Variants in COQ8B observed in about 807,000 individuals in gnomAD.
COQ8B encodes the protein coenzyme Q8B, also known as atypical kinase COQ8B, mitochondrial.
In COQ8B, 44 loss-of-function variants were observed where a neutral mutation model predicts 62.0. That is an observed-to-expected ratio of 0.71 (90% confidence interval 0.56 to 0.91). The LOEUF is 0.91. COQ8B is among the 40% of genes least tolerant of loss of function. The probability of loss-of-function intolerance (pLI) is 0.00; values close to 1 mark genes in which losing one functional copy is unlikely to be tolerated. For missense variants in COQ8B, 649 were observed against 731.6 expected (o/e 0.89, Z 1.30); for synonymous variants, 252 against 289.9 (o/e 0.87, Z 1.33).
chr19:40,703,538 C>T lies in COQ8B; in HGVS notation c.799+3G>A, dbSNP rs763317412. ...TCAGCAGAGGAGTGGGTGGGCGCCT[C>T]ACCCGCGGGCAGGGCCGCGCTCATC... On this transcript the variant is annotated splice_donor_region_variant and intron_variant, in intron 9 of 14. Coordinates refer to ENST00000324464, the MANE Select transcript of COQ8B (RefSeq NM_024876.4). The T allele has an allele frequency of 3.1e-6, 5 of 1,596,440 alleles. No homozygotes were observed. The highest frequency in any genetic ancestry group is 4.3e-6 in the Non-Finnish European group (5 of 1,169,720).
chr19:40,711,131 CAAA>C (rs10586544), intron 4 of COQ8B, among the ~76,000 whole-genome samples: 125 of 134,340 alleles, frequency 9.3e-4, no homozygotes, highest in Admixed American at 1.3e-3. Flanking sequence ...AACTCCGTCT[CAAA>C]AAAAAAAAAA....
intron 13 of COQ8B, among the ~76,000 whole-genome samples, chr19:40,695,279 C>T (rs1034322888): frequency 3.4e-5 from 5 of 145,720 alleles, no homozygotes; most frequent in South Asian, 2.1e-4. Flanking sequence ...GATCGAGCCA[C>T]TGCACTCCAG....
At position 40,716,198 on chromosome 19, in the gene COQ8B, G is replaced by A. The variant is rs528970002; in HGVS notation, c.-4+389C>T. ...AAAGGTGACTCATTTTAGAGCCTTG[G>A]ACCTGTGCCCAATGTCTCCCCCAGT... On this transcript the variant is annotated intron_variant, in intron 1 of 14. Transcript: ENST00000324464. 1.4e-4 allele frequency among the ~76,000 whole-genome samples: 22 copies of A among 152,158 alleles called. No homozygotes were observed. In the South Asian group the frequency reaches 2.9e-3, roughly 20 times the overall value.
intron 6 of COQ8B, 26 bp from the exon 7 acceptor site, chr19:40,705,207 G>C: frequency 1.2e-6 from 2 of 1,611,348 alleles, no homozygotes; most frequent in East Asian, 2.2e-5. Context: ...AACCAGGGGG[G>C]AAGTAAGCGA....
At chr19:40,713,940 G>T in intron 4 of COQ8B, 127 bp downstream of exon 4, 1 of 1,020,398 alleles carries the variant, frequency 9.8e-7, no homozygotes, top group South Asian at 1.5e-5. Flanking sequence ...GCAGGCCCTT[G>T]CCTTTGTCTC....
Position 40,692,030 on chromosome 19 carries a change from G to A in COQ8B, c.*5C>T. 7 of 1,592,876 alleles carry A rather than the reference G, an allele frequency of 4.4e-6. No homozygotes were observed. Among genetic ancestry groups the A allele is most frequent in the Non-Finnish European group, 6.0e-6 (7 of 1,169,468 alleles). ...CTCTGGGGACTGAATCCCCCATGGA[G>A]GCTGTCATGAGGGATCCACCCAGGA... On this transcript the variant is annotated 3_prime_UTR_variant, in exon 15 of 15. Coordinates refer to ENST00000324464, the MANE Select transcript of COQ8B (RefSeq NM_024876.4).
At chr19:40,711,375 G>T (rs1032607637) in intron 4 of COQ8B, among the ~76,000 whole-genome samples, 1 of 151,886 alleles carries the variant, frequency 6.6e-6, no homozygotes, top group Non-Finnish European at 1.5e-5. Flanking sequence ...GAGACCACAC[G>T]TGCATACCAC....
chr19:40,708,638 A>C (rs1011178004), intron 5 of COQ8B, among the ~76,000 whole-genome samples: 5 of 151,982 alleles, frequency 3.3e-5, no homozygotes, highest in African/African-American at 1.2e-4. Flanking sequence ...TTTTGAAAAA[A>C]ATATCCAGGC....
At chr19:40,707,212 T>C (rs900349503) in intron 5 of COQ8B, among the ~76,000 whole-genome samples, 2 of 151,230 alleles carry the variant, frequency 1.3e-5, no homozygotes, top group African/African-American at 4.9e-5. Flanking sequence ...GAGGTTACAG[T>C]GAGCCGTGAT....
At chr19:40,709,117 A>C (rs1797529893) in intron 5 of COQ8B, among the ~76,000 whole-genome samples, 1 of 152,218 alleles carries the variant, frequency 6.6e-6, no homozygotes, top group Admixed American at 6.6e-5. Context: ...ATGTAGTTGC[A>C]CTTAAGCTTT....
In COQ8B at chr19:40,692,115, A is replaced by T. The variant is rs977872022; in HGVS notation, c.1555T>A (p.Tyr519Asn). ...RDLFQDTYHR[Y>N]WASRQPDAAT... ...GCGTCTGGCTGGCGACTGGCCCAGT[A>T]GCGGTGGTAGGTGTCCTGGAAGAGG... The change falls in exon 15 of 15, where the codon TAC (tyrosine) becomes AAC (asparagine). Residue 519 changes from tyrosine to asparagine, a missense_variant. Physicochemically the swap from Tyr to Asn is moderately radical, Grantham distance 143. Coordinates refer to ENST00000324464, the MANE Select transcript of COQ8B (RefSeq NM_024876.4). The T allele has an allele frequency of 6.2e-7, 1 of 1,607,462 alleles. No homozygotes were observed. Among genetic ancestry groups the T allele is most frequent in the Non-Finnish European group, 8.5e-7 (1 of 1,177,356 alleles).
chr19:40,691,762 C>T lies in COQ8B; in HGVS notation c.*273G>A, dbSNP rs895296503. ...ATCTGCATAACGACATGCAGCGGCC[C>T]AAGGCTCCCTCAAATGTTGGCAAAG... On this transcript the variant is annotated 3_prime_UTR_variant, in exon 15 of 15. Transcript: ENST00000324464. 1 of 357,280 alleles carries T rather than the reference C, an allele frequency of 2.8e-6. No individual in the cohort carries two copies. The highest frequency in any genetic ancestry group is 5.1e-6 in the Non-Finnish European group (1 of 197,090). 22.1% of individuals were successfully genotyped at this position (357,280 alleles called of 1,614,324 possible). A position where few individuals can be genotyped will look rare whatever the true frequency, so the allele number is the denominator to read the frequency against.
intron 12 of COQ8B, among the ~76,000 whole-genome samples, chr19:40,697,851 T>TATAGAGAGAGAGAGAGAGAGAGAGAG (rs1446181673): frequency 6.4e-4 from 35 of 54,724 alleles, no homozygotes; most frequent in African/African-American, 1.2e-3. Flanking sequence ...TATATATATA[T>TATAGAGAGAGAGAGAGAGAGAGAGAG]AGAGAGAGAG....
At chr19:40,715,257 G>A in intron 1 of COQ8B, 3 of 985,876 alleles carry the variant, frequency 3.0e-6, no homozygotes, top group Non-Finnish European at 3.6e-6. Context: ...GGGCATCGGG[G>A]GCCCATCTGG....
In COQ8B at chr19:40,703,623, C is replaced by G; in HGVS notation, c.718-1G>C. 6.2e-7 allele frequency: 1 copy of G among 1,612,924 alleles called. No homozygotes were observed. The highest frequency in any genetic ancestry group is 8.5e-7 in the Non-Finnish European group (1 of 1,179,250). ...GAATGCTCTGGGCTATGCCGGGGTA[C>G]TGTAAAGGGAGAAGGGAGGGAGAGA... is the stretch of plus-strand genomic sequence containing the variant. On this transcript the variant is annotated splice_acceptor_variant, in intron 8 of 14. Transcript: ENST00000324464. LOFTEE classifies it high-confidence loss of function.
At chr19:40,710,264 A>C (rs2082130734) in intron 4 of COQ8B, 128 bp from the exon 5 acceptor site, 1 of 940,996 alleles carries the variant, frequency 1.1e-6, no homozygotes, top group Admixed American at 2.4e-5. Context: ...CTTTTGTTTG[A>C]GATGGAGTCT....
At chr19:40,714,986 A>C (rs1599642227) in intron 1 of COQ8B, 2 of 1,024,396 alleles carry the variant, frequency 2.0e-6, no homozygotes, top group Non-Finnish European at 2.3e-6. Context: ...GGCACCCGCA[A>C]TTCCTCCGGT....
At chr19:40,702,457 TG>T in intron 10 of COQ8B, 142 bp downstream of exon 10, 2 of 809,088 alleles carry the variant, frequency 2.5e-6, no homozygotes, top group Non-Finnish European at 4.2e-6. Flanking sequence ...GATGGATGAG[TG>T]GAAGGATGGA....
intron 14 of COQ8B, 111 bp downstream of exon 14, chr19:40,692,840 C>G: frequency 2.3e-6 from 2 of 882,206 alleles, no homozygotes; most frequent in Admixed American, 2.4e-5. Flanking sequence ...CCCCAGTCCC[C>G]GGGTATCGAC....
Sources: gnomAD v4.1 joint callset for allele counts (sites outside exome capture counted in the v4.1 genomes callset) on GRCh38, gnomAD v4.1.1 for gene constraint, MANE v1.5 for transcripts, NCBI Gene and HGNC (gene_info 2026-07-23, HGNC 2026-07-21) for gene names.